Variants in KLF6 observed in about 807,000 individuals in gnomAD.
The protein encoded by KLF6 is KLF transcription factor 6, also known as Krueppel-like factor 6.
For missense variants in KLF6, 233 were observed against 359.8 expected (o/e 0.65, Z 2.85); for synonymous variants, 152 against 147.9 (o/e 1.03, Z -0.20).
Position 3,776,112 on chromosome 10 carries a change from T to C in KLF6, c.*3427A>G, listed in dbSNP as rs1564291411. 1 of 530,088 alleles carries C rather than the reference T, an allele frequency of 1.9e-6. No homozygotes were observed. The highest frequency in any genetic ancestry group is 1.9e-5 in the African/African-American group (1 of 53,690). The allele number at this position is 530,088 out of a possible 1,614,324, so 32.8% of individuals were successfully genotyped here. On this transcript the variant is annotated 3_prime_UTR_variant, in exon 4 of 4. Transcript: ENST00000497571. ...CTCCTCCACCCCTCCCAGACATGCC[T>C]CAGCCAGGTGTGTGGCAGGGCTGGC...
chr10:3,781,487 A>AT lies in KLF6; in HGVS notation c.676+153_676+154insA. On this transcript the variant is annotated intron_variant, in intron 2 of 3. Coordinates refer to ENST00000497571, the MANE Select transcript of KLF6 (RefSeq NM_001300.6). The surrounding 1 kb of genome is among the most constrained non-coding windows in gnomAD (Gnocchi z 5.8). ...TTTAGGATTCTACTCTGAACTCCAA[A>AT]AAGACCTAATGCTTTGGTGGAAAAC... The AT allele has an allele frequency of 1.3e-6, 2 of 1,550,976 alleles. No individual in the cohort carries two copies. The highest frequency in any genetic ancestry group is 4.9e-5 in the East Asian group (2 of 40,926).
chr10:3,781,247 C>T lies in KLF6; in HGVS notation c.676+394G>A. The T allele has an allele frequency of 3.5e-6, 2 of 575,824 alleles. No individual in the cohort carries two copies. The highest frequency in any genetic ancestry group is 3.5e-5 in the Admixed American group (1 of 28,902). 35.7% of individuals were successfully genotyped at this position (575,824 alleles called of 1,614,324 possible). ...CACACACTCCACGCTGCCCAGCAAC[C>T]CTCTGTCCTGACCCTTGAGTTTCAT... On this transcript the variant is annotated intron_variant, in intron 2 of 3. Transcript: ENST00000497571. The surrounding 1 kb of genome is among the most constrained non-coding windows in gnomAD (Gnocchi z 5.8).
rs1266813340 is a variant in KLF6, at chr10:3,777,577, G to A, written c.*1962C>T. Reference sequence around the variant, plus strand: ...AGCAGACAGCCCGGAACAGATTCAAGCAAGAAAGTCCTCCGCACATCGTTA... The same window carrying A: ...AGCAGACAGCCCGGAACAGATTCAAACAAGAAAGTCCTCCGCACATCGTTA... On this transcript the variant is annotated 3_prime_UTR_variant, in exon 4 of 4. Coordinates refer to ENST00000497571, the MANE Select transcript of KLF6 (RefSeq NM_001300.6). 4 of 511,224 alleles carry A rather than the reference G, an allele frequency of 7.8e-6. No homozygotes were observed. The Admixed American group carries it at 9.1e-5, about 12-fold the overall frequency. The allele number at this position is 511,224 out of a possible 1,614,324, so 31.7% of individuals were successfully genotyped here.
At position 3,781,672 on chromosome 10, in the gene KLF6, G is replaced by A. The variant is rs757960993; in HGVS notation, c.645C>T (p.Ser215=). The change falls in exon 2 of 4, where the codon TCC becomes TCT. Residue 215 remains serine (S), a synonymous_variant. Coordinates refer to ENST00000497571, the MANE Select transcript of KLF6 (RefSeq NM_001300.6). This position sits in a 1 kb window ranked among gnomAD's most constrained non-coding sequence, Gnocchi z 5.8. The stretch of plus-strand genomic sequence containing the variant: ...GCGTCCGCTGGTGTGCTTTCAAGTG[G>A]GAGCTTTTGGTGTAAACTTTCCTGC... ...NGCRKVYTKS[S]HLKAHQRTHT... 6.2e-7 allele frequency: 1 copy of A among 1,613,034 alleles called. No homozygotes were observed. The highest frequency in any genetic ancestry group is 8.5e-7 in the Non-Finnish European group (1 of 1,179,188).
Position 3,780,280 on chromosome 10 carries a change from C to T in KLF6, c.677-51G>A, listed in dbSNP as rs373101785. On this transcript the variant is annotated intron_variant, in intron 2 of 3. Transcript: ENST00000497571. The surrounding 1 kb of genome is among the most constrained non-coding windows in gnomAD (Gnocchi z 4.6). ...GCCCATGACTTCACTGACCCGCAGA[C>T]GGAAAGGGGAAATTCAACAACACAC... is the stretch of plus-strand genomic sequence containing the variant. The T allele has an allele frequency of 1.4e-5, 22 of 1,608,028 alleles. No homozygotes were observed. Among genetic ancestry groups the T allele is most frequent in the African/African-American group, 1.3e-4 (10 of 74,918 alleles).
At position 3,779,610 on chromosome 10, in the gene KLF6, G is replaced by A; in HGVS notation, c.801-20C>T. The stretch of plus-strand genomic sequence containing the variant: ...AAACACCTGCAAGGGCAAATCAGAA[G>A]CACAGAAGAAGTTAGGTTCCCATCC... On this transcript the variant is annotated intron_variant, in intron 3 of 3. Transcript: ENST00000497571. The A allele has an allele frequency of 6.2e-7, 1 of 1,613,290 alleles. No homozygotes were observed. The highest frequency in any genetic ancestry group is 2.2e-5 in the East Asian group (1 of 44,874).
Position 3,780,586 on chromosome 10 carries a change from C to T in KLF6, c.677-357G>A. ...GGCAGAGCTATTGCTTTCTTCATGG[C>T]AACTGTTTCTCCCAAACACACTTCT... On this transcript the variant is annotated intron_variant, in intron 2 of 3. Transcript: ENST00000497571. The surrounding 1 kb of genome is among the most constrained non-coding windows in gnomAD (Gnocchi z 4.6). 1 of 376,752 alleles carries T rather than the reference C, an allele frequency of 2.7e-6. No homozygotes were observed. The highest frequency in any genetic ancestry group is 2.1e-5 in the South Asian group (1 of 46,868). 23.3% of individuals were successfully genotyped at this position (376,752 alleles called of 1,614,324 possible).
At chr10:3,784,333 G>T (rs1021827511) in intron 1 of KLF6, among the ~76,000 whole-genome samples, 1 of 152,086 alleles carries the variant, frequency 6.6e-6, no homozygotes, top group Non-Finnish European at 1.5e-5. Flanking sequence ...CAAGTCACTG[G>T]GGTGTACACA....
Position 3,777,884 on chromosome 10 carries a change from A to C in KLF6, c.*1655T>G, listed in dbSNP as rs1442703916. On this transcript the variant is annotated 3_prime_UTR_variant, in exon 4 of 4. Transcript: ENST00000497571. ...CAACAGATAGCTAGACAGATATGTG[A>C]AACTTGTGCCTTTTAAGCAAATACA... 1 of 488,462 alleles carries C rather than the reference A, an allele frequency of 2.0e-6. No homozygotes were observed. The highest frequency in any genetic ancestry group is 4.0e-6 in the Non-Finnish European group (1 of 248,550). The allele number at this position is 488,462 out of a possible 1,614,324, so 30.3% of individuals were successfully genotyped here.
rs755012965 is a variant in KLF6 at position 3,777,325 on chromosome 10, A to T, written c.*2214T>A. The T allele has an allele frequency of 5.8e-6, 3 of 513,488 alleles. No individual in the cohort carries two copies. Among genetic ancestry groups the T allele is most frequent in the South Asian group, 4.6e-5 (3 of 64,886 alleles). The allele number at this position is 513,488 out of a possible 1,614,324, so 31.8% of individuals were successfully genotyped here. A position where few individuals can be genotyped will look rare whatever the true frequency, so the allele number is the denominator to read the frequency against. Reference sequence around the variant, plus strand: ...TTCGGGGAAATTACTCCTTGGAAAAACTGGAAGAATCTACTTGCTGGAAAA... The same window carrying T: ...TTCGGGGAAATTACTCCTTGGAAAATCTGGAAGAATCTACTTGCTGGAAAA... On this transcript the variant is annotated 3_prime_UTR_variant, in exon 4 of 4. Coordinates refer to ENST00000497571, the MANE Select transcript of KLF6 (RefSeq NM_001300.6).
chr10:3,780,744 A>G lies in KLF6; in HGVS notation c.677-515T>C, dbSNP rs1832498006. ...CCCCGGAATCATTCTCTAAATGGCA[A>G]TTGAACAACTGGGTTCACTTCATTC... On this transcript the variant is annotated intron_variant, in intron 2 of 3. Coordinates refer to ENST00000497571, the MANE Select transcript of KLF6 (RefSeq NM_001300.6). The surrounding 1 kb of genome is among the most constrained non-coding windows in gnomAD (Gnocchi z 4.6). 1 of 205,310 alleles carries G rather than the reference A, an allele frequency of 4.9e-6. No homozygotes were observed. The highest frequency in any genetic ancestry group is 2.3e-5 in the African/African-American group (1 of 44,028). The allele number at this position is 205,310 out of a possible 1,614,324, so 12.7% of individuals were successfully genotyped here. A position where few individuals can be genotyped will look rare whatever the true frequency, so the allele number is the denominator to read the frequency against.
rs763163416 is a variant in KLF6 at position 3,779,430 on chromosome 10, T to G, written c.*109A>C. 31 of 966,096 alleles carry G rather than the reference T, an allele frequency of 3.2e-5. No homozygotes were observed. In the East Asian group the frequency reaches 7.6e-4, roughly 24 times the overall value. The allele number at this position is 966,096 out of a possible 1,614,324, so 59.8% of individuals were successfully genotyped here. A position where few individuals can be genotyped will look rare whatever the true frequency, so the allele number is the denominator to read the frequency against. On this transcript the variant is annotated 3_prime_UTR_variant, in exon 4 of 4. Transcript: ENST00000497571. ...TCCAAGGAGAGGCCCTGGAGGCAAC[T>G]GGGTAGGGTGCAGAACGGCATGCTT...
rs1168453833 is a variant in KLF6 at position 3,781,933 on chromosome 10, G to A, written c.384C>T (p.Asp128=). ...ELSPTAKFTS[D]PIGEVLVSSG... The stretch of plus-strand genomic sequence containing the variant: ...AGCTGACCAAAACTTCGCCAATGGG[G>A]TCGGAGGTAAACTTGGCCGTGGGAG... Residue 128 remains aspartate, a synonymous_variant, in exon 2 of 4, where the codon GAC becomes GAT. Transcript: ENST00000497571. The surrounding 1 kb of genome is among the most constrained non-coding windows in gnomAD (Gnocchi z 5.8). 3 of 1,614,120 alleles carry A rather than the reference G, an allele frequency of 1.9e-6. No individual in the cohort carries two copies. In the Admixed American group the frequency reaches 5.0e-5, roughly 27 times the overall value.
At position 3,780,261 on chromosome 10, in the gene KLF6, G is replaced by A. The variant is rs763096257; in HGVS notation, c.677-32C>T. The A allele has an allele frequency of 2.9e-5, 46 of 1,611,690 alleles. No homozygotes were observed. The highest frequency in any genetic ancestry group is 3.6e-5 in the Non-Finnish European group (43 of 1,179,962). On this transcript the variant is annotated intron_variant, in intron 2 of 3. Coordinates refer to ENST00000497571, the MANE Select transcript of KLF6 (RefSeq NM_001300.6). This position sits in a 1 kb window ranked among gnomAD's most constrained non-coding sequence, Gnocchi z 4.6. ...AGAGAGCACAGGACAAGCAGCCCAT[G>A]ACTTCACTGACCCGCAGACGGAAAG...
Position 3,785,122 on chromosome 10 carries a change from C to T in KLF6, c.-108G>A. 6.4e-7 allele frequency: 1 copy of T among 1,558,648 alleles called. No homozygotes were observed. Among genetic ancestry groups the T allele is most frequent in the Non-Finnish European group, 8.7e-7 (1 of 1,153,722 alleles). On this transcript the variant is annotated 5_prime_UTR_variant, in exon 1 of 4. Coordinates refer to ENST00000497571, the MANE Select transcript of KLF6 (RefSeq NM_001300.6). Reference sequence around the variant, plus strand: ...CGCAGGTGAAAGTTTCATGCAAACTCCAGGCTCGCAGAGACGCCCGGCCGG... The same window carrying T: ...CGCAGGTGAAAGTTTCATGCAAACTTCAGGCTCGCAGAGACGCCCGGCCGG...
At chr10:3,779,787 C>A (rs1339257022) in intron 3 of KLF6, among the ~76,000 whole-genome samples, 197 bp from the exon 4 acceptor site, 1 of 152,200 alleles carries the variant, frequency 6.6e-6, no homozygotes, top group Non-Finnish European at 1.5e-5. Context: ...GAATGTCCCC[C>A]ACCAGTGGCT....
At position 3,781,126 on chromosome 10, in the gene KLF6, G is replaced by T. The variant is rs1308375302; in HGVS notation, c.676+515C>A. 3 of 219,688 alleles carry T rather than the reference G, an allele frequency of 1.4e-5. No homozygotes were observed. In the Admixed American group the frequency reaches 1.6e-4, roughly 12 times the overall value. The allele number at this position is 219,688 out of a possible 1,614,324, so 13.6% of individuals were successfully genotyped here. On this transcript the variant is annotated intron_variant, in intron 2 of 3. Coordinates refer to ENST00000497571, the MANE Select transcript of KLF6 (RefSeq NM_001300.6). This position sits in a 1 kb window ranked among gnomAD's most constrained non-coding sequence, Gnocchi z 5.8. ...GGTATCAGAAACAAAGGCTGCATGA[G>T]ACACGGAGAAGTTCTCAGGAAACAC...
chr10:3,780,366 C>T lies in KLF6; in HGVS notation c.677-137G>A. ...TTCTGGCATCGGTAACACACAACAA[C>T]TGGCAGCCTCAGAGAGACAACAGCA... On this transcript the variant is annotated intron_variant, in intron 2 of 3. Transcript: ENST00000497571. This position sits in a 1 kb window ranked among gnomAD's most constrained non-coding sequence, Gnocchi z 4.6. 1.0e-6 allele frequency: 1 copy of T among 1,004,268 alleles called. No homozygotes were observed. The highest frequency in any genetic ancestry group is 1.6e-6 in the Non-Finnish European group (1 of 642,638). The allele number at this position is 1,004,268 out of a possible 1,614,324, so 62.2% of individuals were successfully genotyped here. A position where few individuals can be genotyped will look rare whatever the true frequency, so the allele number is the denominator to read the frequency against.
chr10:3,781,281 C>G lies in KLF6; in HGVS notation c.676+360G>C. The G allele has an allele frequency of 1.3e-6, 1 of 759,826 alleles. No homozygotes were observed. Among genetic ancestry groups the G allele is most frequent in the Non-Finnish European group, 2.0e-6 (1 of 490,808 alleles). 47.1% of individuals were successfully genotyped at this position (759,826 alleles called of 1,614,324 possible). ...TGACCCTTGAGTTTCATTTAGGAAA[C>G]CCCAGGGCCGCTCGAGGTAGCCTCG... is the stretch of plus-strand genomic sequence containing the variant. On this transcript the variant is annotated intron_variant, in intron 2 of 3. Coordinates refer to ENST00000497571, the MANE Select transcript of KLF6 (RefSeq NM_001300.6). This position sits in a 1 kb window ranked among gnomAD's most constrained non-coding sequence, Gnocchi z 5.8.
Sources: gnomAD v4.1 joint callset for allele counts (sites outside exome capture counted in the v4.1 genomes callset) on GRCh38, gnomAD v4.1.1 for gene constraint, Gnocchi (gnomAD v3.1) non-coding constraint, MANE v1.5 for transcripts, NCBI Gene and HGNC (gene_info 2026-07-23, HGNC 2026-07-21) for gene names.